Variants in EBF2 observed in about 807,000 individuals in gnomAD.
EBF2 encodes the protein transcription factor COE2.
Under a neutral mutation model 72.8 loss-of-function variants are expected in EBF2, and 21 were observed. The ratio of observed to expected loss-of-function variants is 0.29; its 90% CI spans 0.20 to 0.42. The LOEUF (loss-of-function observed/expected upper bound fraction) is 0.42. Ranked by LOEUF, EBF2 falls within the 10% of genes least tolerant of loss-of-function variation. EBF2 has a pLI of 1.00. For synonymous variants in EBF2, 299 were observed against 274.2 expected, an observed-to-expected ratio of 1.09 and a Z score of -0.89; for missense variants, 637 against 731.2, an observed-to-expected ratio of 0.87 and a Z score of 1.49.
chr8:25,931,304 A>G (rs1397897518), intron 6 of EBF2, among the ~76,000 whole-genome samples: 1 of 152,194 alleles, frequency 6.6e-6, no homozygotes, highest in East Asian at 1.9e-4. Flanking sequence ...TTAAGCACAT[A>G]TAAAATTTAA....
At chr8:25,900,184 G>C (rs1802927909) in intron 7 of EBF2, among the ~76,000 whole-genome samples, 1 of 152,134 alleles carries the variant, frequency 6.6e-6, no homozygotes, top group Admixed American at 6.5e-5. Flanking sequence ...GGCCAGGTGT[G>C]GTGGCTCACA....
chr8:25,908,221 G>A (rs1051477523), intron 7 of EBF2, among the ~76,000 whole-genome samples: 2 of 152,206 alleles, frequency 1.3e-5, no homozygotes, highest in Non-Finnish European at 2.9e-5. Context: ...CCCGAGGGCT[G>A]AAAATCAAAT....
intron 5 of EBF2, among the ~76,000 whole-genome samples, chr8:26,039,257 G>T (rs749491185): frequency 6.6e-6 from 1 of 151,766 alleles, no homozygotes; most frequent in Non-Finnish European, 1.5e-5. Flanking sequence ...AAAAAGGGTG[G>T]GGGGGGAATG....
intron 6 of EBF2, among the ~76,000 whole-genome samples, chr8:26,001,046 C>G (rs1407711243): frequency 6.6e-6 from 1 of 152,144 alleles, no homozygotes; most frequent in Non-Finnish European, 1.5e-5. Flanking sequence ...CAAATGACTC[C>G]TAGCATGGGA....
rs537039044 is a variant in EBF2 at position 25,861,478 on chromosome 8, ATG to A, written c.1099-106_1099-105del. ...GAGAAATCCACACATCCCTCCCAAA[ATG>A]TAAGTAATTAGCCAAGAGGTCCTAT... On this transcript the variant is annotated intron_variant, in intron 11 of 15. Transcript: ENST00000520164. The A allele has an allele frequency of 1.1e-4, 144 of 1,255,352 alleles. No individual in the cohort carries two copies. In the East Asian group the frequency reaches 3.1e-3, roughly 27 times the overall value. 77.8% of individuals were successfully genotyped at this position (1,255,352 alleles called of 1,614,324 possible).
intron 6 of EBF2, among the ~76,000 whole-genome samples, chr8:25,959,903 T>C (rs901963810): frequency 8.5e-5 from 13 of 152,324 alleles, no homozygotes; most frequent in African/African-American, 2.9e-4. Flanking sequence ...CTAGGTAGTA[T>C]GGTCCCATTC....
At chr8:25,978,348 G>T (rs1804301316) in intron 6 of EBF2, among the ~76,000 whole-genome samples, 1 of 152,148 alleles carries the variant, frequency 6.6e-6, no homozygotes, top group Admixed American at 6.5e-5. Context: ...TTTCTTTTAC[G>T]ACTGCTAAAT....
intron 10 of EBF2, among the ~76,000 whole-genome samples, chr8:25,884,869 T>C (rs185221347): frequency 1.2e-4 from 18 of 152,328 alleles, no homozygotes; most frequent in Admixed American, 9.8e-4. Context: ...CTACTGCTAA[T>C]TGATAGCTAG....
chr8:25,965,394 G>C (rs991429706), intron 6 of EBF2, among the ~76,000 whole-genome samples: 1 of 152,158 alleles, frequency 6.6e-6, no homozygotes, highest in Admixed American at 6.5e-5. Context: ...GGGTGCTTTT[G>C]ATCTCATCTA....
At chr8:26,040,527 T>C (rs1585238166) in intron 4 of EBF2, 89 bp downstream of exon 4, 1 of 1,193,646 alleles carries the variant, frequency 8.4e-7, no homozygotes, top group Non-Finnish European at 1.2e-6. Context: ...CAGGAAATCG[T>C]GGAGGAGGGG....
intron 6 of EBF2, among the ~76,000 whole-genome samples, chr8:26,012,771 C>G (rs1805047173): frequency 6.6e-6 from 1 of 152,194 alleles, no homozygotes; most frequent in Non-Finnish European, 1.5e-5. Flanking sequence ...GTCCCTGTCT[C>G]CTTGCTCACA....
chr8:26,019,064 C>A (rs1805162406), intron 6 of EBF2, among the ~76,000 whole-genome samples: 1 of 151,920 alleles, frequency 6.6e-6, no homozygotes, highest in African/African-American at 2.4e-5. Flanking sequence ...AAAGGAGAGG[C>A]TTTTATTTAC....
At chr8:25,939,102 A>C (rs1486708739) in intron 6 of EBF2, among the ~76,000 whole-genome samples, 1 of 152,124 alleles carries the variant, frequency 6.6e-6, no homozygotes, top group Non-Finnish European at 1.5e-5. Context: ...AAAAATCAAA[A>C]ACTAAAAAAT....
At chr8:25,951,991 CTG>C (rs112236879) in intron 6 of EBF2, among the ~76,000 whole-genome samples, 3 of 152,152 alleles carry the variant, frequency 2.0e-5, no homozygotes, top group Admixed American at 6.5e-5. Context: ...AAAGGGGACT[CTG>C]TTAAAAATTA....
intron 14 of EBF2, among the ~76,000 whole-genome samples, chr8:25,856,426 G>A (rs1023743209): frequency 6.6e-6 from 1 of 152,128 alleles, no homozygotes; most frequent in Non-Finnish European, 1.5e-5. Context: ...ATGTGTTCTA[G>A]TCCCTTTTTT....
At chr8:25,860,358 C>A (rs879901947) in intron 13 of EBF2, among the ~76,000 whole-genome samples, 10 of 152,068 alleles carry the variant, frequency 6.6e-5, no homozygotes, top group Admixed American at 6.6e-4. Context: ...ATGATAATGG[C>A]AATAATCAGT....
intron 7 of EBF2, among the ~76,000 whole-genome samples, chr8:25,902,510 ATTATT>A (rs1234109501): frequency 5.9e-5 from 9 of 151,818 alleles, no homozygotes; most frequent in Non-Finnish European, 1.2e-4. Context: ...ATAATAATCC[ATTATT>A]TTAATCAATT....
Position 25,850,657 on chromosome 8 carries a change from C to T in EBF2, c.1633G>A (p.Val545Ile). 1 of 1,565,466 alleles carries T rather than the reference C, an allele frequency of 6.4e-7. No individual in the cohort carries two copies. Among genetic ancestry groups the T allele is most frequent in the Non-Finnish European group, 8.6e-7 (1 of 1,163,798 alleles). The change falls in exon 15 of 16, where the codon GTC (valine) becomes ATC (isoleucine). Residue 545 changes from valine (V) to isoleucine (I), a missense_variant. By Grantham distance (29) the Val-to-Ile change is conservative. Transcript: ENST00000520164. ...GAAGGGGAGCCTTGGGGCCTGATGA[C>T]AGGGGCAAAGGCACTCTTCTGTTTG... ...AVKQKSAFAP[V>I]IRPQGSPSPA...
intron 3 of EBF2, 28 bp from the exon 4 acceptor site, chr8:26,040,699 A>AG (rs748498685): frequency 5.8e-6 from 9 of 1,551,886 alleles, no homozygotes; most frequent in Middle Eastern, 1.7e-4. Context: ...GCACGAGTCA[A>AG]GGGCCGTAGA....
Sources: allele counts gnomAD v4.1 joint callset (sites outside exome capture counted in the v4.1 genomes callset), GRCh38; gene constraint gnomAD v4.1.1; transcripts MANE v1.5; gene names NCBI Gene and HGNC (gene_info 2026-07-23, HGNC 2026-07-21).